AOAH: variants seen among roughly 807,000 people sequenced by gnomAD.
AOAH encodes the protein acyloxyacyl hydrolase (neutrophil).
In AOAH, 64 loss-of-function variants were observed where a neutral mutation model predicts 92.2. That is an observed-to-expected ratio of 0.69 (90% confidence interval 0.57 to 0.86). The LOEUF is 0.86. Ranked by LOEUF, AOAH falls within the 40% of genes least tolerant of loss-of-function variation. AOAH has a pLI of 0.00. For missense variants in AOAH, 656 were observed against 694.6 expected, an observed-to-expected ratio of 0.94 and a Z score of 0.62; for synonymous variants, 263 against 254.5, an observed-to-expected ratio of 1.03 and a Z score of -0.32.
At chr7:36,541,899 A>T (rs1785450437) in intron 15 of AOAH, among the ~76,000 whole-genome samples, 1 of 152,338 alleles carries the variant, frequency 6.6e-6, no homozygotes, top group East Asian at 1.9e-4. Flanking sequence ...TAGAGTTTTC[A>T]TCTACTCTTT....
rs376436261 is a variant in AOAH, at chr7:36,540,370, G to C, written c.1255C>G (p.Pro419Ala). 4.3e-6 allele frequency: 7 copies of C among 1,613,906 alleles called. No homozygotes were observed. The African/African-American group carries it at 9.3e-5, about 22-fold the overall frequency. ...NGSHVILYGLPDGTFLWDNLH... is the reference protein window; with the variant it reads ...NGSHVILYGLADGTFLWDNLH... ...TTATCCCAGAGAAAGGTTCCATCTGGTAAGCCATACAAAATAACATGGCTG... is the reference window on the plus strand; with the variant it reads ...TTATCCCAGAGAAAGGTTCCATCTGCTAAGCCATACAAAATAACATGGCTG... Residue 419 changes from proline to alanine, a missense_variant, in exon 16 of 21, where the codon CCA becomes GCA. Physicochemically the swap from Pro to Ala is conservative, Grantham distance 27. Coordinates refer to ENST00000617537, the MANE Select transcript of AOAH (RefSeq NM_001637.4).
intron 2 of AOAH, among the ~76,000 whole-genome samples, chr7:36,679,716 G>C (rs969462916): frequency 6.6e-6 from 1 of 151,882 alleles, no homozygotes; most frequent in Non-Finnish European, 1.5e-5. Flanking sequence ...GGAGTGCAGT[G>C]GTGCAATCTC....
intron 1 of AOAH, among the ~76,000 whole-genome samples, chr7:36,713,156 C>CA (rs1562723087): frequency 1.3e-5 from 2 of 151,726 alleles, no homozygotes; most frequent in East Asian, 1.9e-4. Flanking sequence ...AAATGGAAAA[C>CA]AAAAAAAGGC....
chr7:36,653,113 G>A (rs189082168), intron 4 of AOAH, among the ~76,000 whole-genome samples: 8 of 152,242 alleles, frequency 5.3e-5, no homozygotes, highest in South Asian at 2.1e-4. Flanking sequence ...ACCAAAAAAC[G>A]TTTATTTGAA....
chr7:36,638,029 T>C, intron 4 of AOAH, 119 bp from the exon 5 acceptor site: 1 of 782,150 alleles, frequency 1.3e-6, no homozygotes, highest in East Asian at 2.7e-5. Context: ...ACTCCATAAA[T>C]TTGTAATAAA....
At position 36,561,382 on chromosome 7, in the gene AOAH, C is replaced by T. The variant is rs779614112; in HGVS notation, c.1022-11907G>A. On this transcript the variant is annotated intron_variant, in intron 13 of 20. Transcript: ENST00000617537. The stretch of plus-strand genomic sequence containing the variant: ...TTAGTGAAAATCCAACCCCAATGCT[C>T]GAAAACAGGAAAAGCCAATTGATTT... Among the ~76,000 whole-genome samples the T allele has an allele frequency of 5.3e-5, 8 of 152,194 alleles. No homozygotes were observed. The South Asian group carries it at 6.2e-4, about 12-fold the overall frequency.
intron 12 of AOAH, among the ~76,000 whole-genome samples, chr7:36,578,196 C>G (rs776505941): frequency 1.3e-5 from 2 of 152,132 alleles, no homozygotes; most frequent in Non-Finnish European, 2.9e-5. Context: ...TTAATAGATG[C>G]TTATTGAGCA....
At chr7:36,708,579 G>T (rs970265462) in intron 1 of AOAH, among the ~76,000 whole-genome samples, 1 of 151,926 alleles carries the variant, frequency 6.6e-6, no homozygotes, top group African/African-American at 2.4e-5. Flanking sequence ...TCATAAGTAT[G>T]GATCTCGATT....
chr7:36,575,251 T>C (rs895378737), intron 13 of AOAH, among the ~76,000 whole-genome samples: 6 of 152,196 alleles, frequency 3.9e-5, no homozygotes, highest in African/African-American at 1.2e-4. Flanking sequence ...TCTGGGATCA[T>C]AGCCCAATGA....
chr7:36,623,792 C>A (rs1258984867), intron 6 of AOAH, among the ~76,000 whole-genome samples: 1 of 152,176 alleles, frequency 6.6e-6, no homozygotes, highest in Non-Finnish European at 1.5e-5. Flanking sequence ...ATGGACATCC[C>A]ATGAGGGAGG....
At chr7:36,717,305 C>A (rs1799270868) in intron 1 of AOAH, among the ~76,000 whole-genome samples, 1 of 152,056 alleles carries the variant, frequency 6.6e-6, no homozygotes, top group Non-Finnish European at 1.5e-5. Context: ...ACAACAATAC[C>A]CTGCTTCAGT....
At chr7:36,641,778 C>T (rs982789508) in intron 4 of AOAH, among the ~76,000 whole-genome samples, 2 of 152,160 alleles carry the variant, frequency 1.3e-5, no homozygotes, top group African/African-American at 4.8e-5. Flanking sequence ...TCCCTGACCC[C>T]CTTCACTCCC....
intron 4 of AOAH, among the ~76,000 whole-genome samples, chr7:36,643,191 T>C (rs978048583): frequency 9.2e-5 from 14 of 152,158 alleles, no homozygotes; most frequent in African/African-American, 3.4e-4. Flanking sequence ...TGTTCCTGTT[T>C]TACAGATGAG....
At chr7:36,675,535 G>C (rs565767000) in intron 2 of AOAH, among the ~76,000 whole-genome samples, 1 of 152,270 alleles carries the variant, frequency 6.6e-6, no homozygotes, top group African/African-American at 2.4e-5. Flanking sequence ...AGACCAGCTA[G>C]CTGCACCAGA....
intron 11 of AOAH, among the ~76,000 whole-genome samples, chr7:36,601,512 A>C (rs1790597290): frequency 6.6e-6 from 1 of 152,200 alleles, no homozygotes; most frequent in African/African-American, 2.4e-5. Context: ...AACACTTCCC[A>C]TCTGGGTAAC....
intron 13 of AOAH, among the ~76,000 whole-genome samples, chr7:36,553,458 T>C (rs6977947): frequency 0.13 from 19,818 of 151,428 alleles, 1,362 homozygotes; most frequent in African/African-American, 0.15. Context: ...CGTGTGCATG[T>C]GTCTTTATAG....
At chr7:36,566,730 C>A (rs941428713) in intron 13 of AOAH, among the ~76,000 whole-genome samples, 1 of 152,136 alleles carries the variant, frequency 6.6e-6, no homozygotes, top group African/African-American at 2.4e-5. Context: ...AACATGGTGG[C>A]ATGTAACTGA....
At chr7:36,709,219 C>A (rs944584275) in intron 1 of AOAH, among the ~76,000 whole-genome samples, 1 of 152,108 alleles carries the variant, frequency 6.6e-6, no homozygotes, top group Non-Finnish European at 1.5e-5. Context: ...TCCCAACGGC[C>A]TCCATCACTT....
intron 13 of AOAH, among the ~76,000 whole-genome samples, chr7:36,553,872 T>C: frequency 6.6e-6 from 1 of 152,198 alleles, no homozygotes; most frequent in Non-Finnish European, 1.5e-5. Context: ...CATTGTAGAT[T>C]CTGGATATTA....
Sources: allele counts gnomAD v4.1 joint callset (sites outside exome capture counted in the v4.1 genomes callset), GRCh38; gene constraint gnomAD v4.1.1; transcripts MANE v1.5; gene names NCBI Gene and HGNC (gene_info 2026-07-23, HGNC 2026-07-21).